Variants in SGK3 observed in about 807,000 individuals in gnomAD.
SGK3 encodes the protein serum/glucocorticoid regulated kinase family member 3, also known as serine/threonine-protein kinase Sgk3.
Under a neutral mutation model 68.5 loss-of-function variants are expected in SGK3, and 47 were observed. The observed-to-expected ratio is 0.69, with a 90% CI of 0.54 to 0.87. The LOEUF (loss-of-function observed/expected upper bound fraction) is 0.87. Among genes scored for constraint, SGK3 ranks in the 40% least tolerant of loss-of-function variants. The probability of loss-of-function intolerance (pLI) is 0.00; values close to 1 mark genes in which losing one functional copy is unlikely to be tolerated. For synonymous variants in SGK3, 181 were observed against 189.1 expected, an observed-to-expected ratio of 0.96 and a Z score of 0.35; for missense variants, 479 against 575.5, an observed-to-expected ratio of 0.83 and a Z score of 1.72.
Position 66,828,641 on chromosome 8 carries a change from C to A in SGK3, c.418-13C>A, listed in dbSNP as rs766497250. 26 of 1,612,680 alleles carry A rather than the reference C, an allele frequency of 1.6e-5. No homozygotes were observed. Among genetic ancestry groups the A allele is most frequent in the Admixed American group, 5.0e-5 (3 of 59,918 alleles). ...CCAATAAGAATGTTGTTTTTCTTTC[C>A]CCACCTTCACAGCTACACTCTACCT... is the stretch of plus-strand genomic sequence containing the variant. On this transcript the variant is annotated splice_polypyrimidine_tract_variant and intron_variant, in intron 6 of 16. Transcript: ENST00000521198.
At chr8:66,726,026 G>A (rs977718270) in intron 1 of SGK3, among the ~76,000 whole-genome samples, 1 of 152,094 alleles carries the variant, frequency 6.6e-6, no homozygotes. Context: ...AGAAAATAAA[G>A]GTTGGTTTAC....
intron 5 of SGK3, among the ~76,000 whole-genome samples, chr8:66,815,773 A>G (rs1808550419): frequency 1.3e-5 from 2 of 152,296 alleles, no homozygotes; most frequent in South Asian, 2.1e-4. Flanking sequence ...TTCATTCTGG[A>G]TCTTGATGTG....
intron 1 of SGK3, among the ~76,000 whole-genome samples, chr8:66,733,192 T>C (rs1193653747): frequency 5.3e-5 from 8 of 152,174 alleles, no homozygotes; most frequent in Non-Finnish European, 7.3e-5. Flanking sequence ...TAGAAGTGGA[T>C]GAAGGAGGAG....
At chr8:66,850,393 A>G (rs1011135042) in intron 15 of SGK3, among the ~76,000 whole-genome samples, 11 of 152,140 alleles carry the variant, frequency 7.2e-5, no homozygotes, top group African/African-American at 2.7e-4. Context: ...CTCATGACTG[A>G]TTTTATTTCT....
chr8:66,741,822 T>G (rs959678520), intron 1 of SGK3, among the ~76,000 whole-genome samples: 4 of 152,256 alleles, frequency 2.6e-5, no homozygotes, highest in Non-Finnish European at 5.9e-5. Flanking sequence ...TACCAGTAGA[T>G]GGGGCTTTGG....
intron 1 of SGK3, among the ~76,000 whole-genome samples, chr8:66,791,607 C>G (rs1338791748): frequency 1.3e-5 from 2 of 152,142 alleles, no homozygotes; most frequent in African/African-American, 4.8e-5. Context: ...AAAGGAGGAC[C>G]TGAGGAATTC....
At chr8:66,816,355 T>TG (rs1808581442) in intron 5 of SGK3, among the ~76,000 whole-genome samples, 192 of 148,930 alleles carry the variant, frequency 1.3e-3, no homozygotes, top group African/African-American at 4.6e-3. Flanking sequence ...TTTTTTTTTT[T>TG]TTGTGTGTGA....
intron 4 of SGK3, among the ~76,000 whole-genome samples, chr8:66,805,710 C>T (rs1808130086): frequency 6.6e-6 from 1 of 152,120 alleles, no homozygotes; most frequent in Non-Finnish European, 1.5e-5. Flanking sequence ...TCTTATCCAC[C>T]AGAAATTCTA....
intron 10 of SGK3, among the ~76,000 whole-genome samples, chr8:66,838,880 T>C (rs1809651469): frequency 6.6e-6 from 1 of 152,218 alleles, no homozygotes; most frequent in Admixed American, 6.5e-5. Flanking sequence ...CTTAGCTTTG[T>C]ATACTACTTC....
At chr8:66,787,295 T>C (rs572114351) in intron 1 of SGK3, among the ~76,000 whole-genome samples, 1 of 152,210 alleles carries the variant, frequency 6.6e-6, no homozygotes, top group East Asian at 1.9e-4. Context: ...TAAGTGTTCA[T>C]TGAATTAAGG....
intron 1 of SGK3, among the ~76,000 whole-genome samples, chr8:66,760,656 T>C (rs1042950557): frequency 2.0e-5 from 3 of 152,228 alleles, no homozygotes; most frequent in African/African-American, 7.2e-5. Flanking sequence ...TTCAAGAAAG[T>C]GTCTGCCAAA....
At chr8:66,857,659 T>C (rs1483663774) in intron 16 of SGK3, among the ~76,000 whole-genome samples, 10 of 152,200 alleles carry the variant, frequency 6.6e-5, no homozygotes, top group Admixed American at 5.2e-4. Context: ...CACATGCCTG[T>C]GGTCCCAGCT....
intron 15 of SGK3, among the ~76,000 whole-genome samples, chr8:66,847,712 T>C (rs1340139514): frequency 6.6e-6 from 1 of 152,188 alleles, no homozygotes; most frequent in Non-Finnish European, 1.5e-5. Context: ...ACTAACATTT[T>C]CATGAACTAA....
chr8:66,811,403 C>T (rs981274622), intron 4 of SGK3, among the ~76,000 whole-genome samples: 1 of 152,096 alleles, frequency 6.6e-6, no homozygotes. Flanking sequence ...TTTAAAAATA[C>T]ATATTTCTAA....
At chr8:66,835,222 A>C (rs908727547) in intron 8 of SGK3, among the ~76,000 whole-genome samples, 1 of 152,194 alleles carries the variant, frequency 6.6e-6, no homozygotes, top group Non-Finnish European at 1.5e-5. Context: ...CAAGTGAGTG[A>C]ACATTGCACC....
At position 66,839,498 on chromosome 8, in the gene SGK3, GATATATATATATAT is replaced by G. The variant is rs58832541; in HGVS notation, c.742-458_742-445del. On this transcript the variant is annotated intron_variant, in intron 10 of 16. Coordinates refer to ENST00000521198, the MANE Select transcript of SGK3 (RefSeq NM_001033578.3). ...GGCTCAAGTAAATTATATGTATGGA[GATATATATATATAT>G]ATATATATATATATATATATATATA... Among the ~76,000 whole-genome samples, 311 of 41,506 alleles carry G rather than the reference GATATATATATATAT, an allele frequency of 7.5e-3. 7 individuals carry two copies. The highest frequency in any genetic ancestry group is 8.8e-3 in the Admixed American group (27 of 3,066). 27.2% of individuals were successfully genotyped at this position (41,506 alleles called of 152,430 possible).
intron 10 of SGK3, among the ~76,000 whole-genome samples, chr8:66,836,397 C>T (rs1809534194): frequency 6.6e-6 from 1 of 152,122 alleles, no homozygotes; most frequent in Non-Finnish European, 1.5e-5. Flanking sequence ...ATTATCTCAA[C>T]AGTTGCATAC....
chr8:66,840,973 G>A (rs764956126), intron 12 of SGK3, 51 bp from the exon 13 acceptor site: 3 of 1,163,838 alleles, frequency 2.6e-6, no homozygotes, highest in African/African-American at 1.6e-5. Context: ...CTGAAAAATT[G>A]TCAATTCATA....
intron 1 of SGK3, among the ~76,000 whole-genome samples, chr8:66,726,687 A>G (rs1804992584): frequency 6.6e-6 from 1 of 151,814 alleles, no homozygotes; most frequent in Non-Finnish European, 1.5e-5. Context: ...TGTAGCCCCA[A>G]CAATTTGGAA....
Sources: gnomAD v4.1 joint callset for allele counts (sites outside exome capture counted in the v4.1 genomes callset) on GRCh38, gnomAD v4.1.1 for gene constraint, MANE v1.5 for transcripts, NCBI Gene and HGNC (gene_info 2026-07-23, HGNC 2026-07-21) for gene names.